CELF2: variants seen among roughly 807,000 people sequenced by gnomAD.
The protein encoded by CELF2 is CUG triplet repeat RNA-binding protein 2.
CELF2 carries 8 observed loss-of-function variants against 62.6 expected under a neutral mutation model. The ratio of observed to expected loss-of-function variants is 0.13; its 90% CI spans 0.07 to 0.23. The LOEUF (loss-of-function observed/expected upper bound fraction) is 0.23. CELF2 is among the 10% of genes least tolerant of loss of function. CELF2 has a pLI of 1.00. For missense variants in CELF2, 333 were observed against 671.0 expected (o/e 0.50, Z 5.56); for synonymous variants, 258 against 250.0 (o/e 1.03, Z -0.30).
chr10:11,003,818 A>G (rs1367549780), upstream of CELF2, among the ~76,000 whole-genome samples: 1 of 152,092 alleles, frequency 6.6e-6, no homozygotes, highest in East Asian at 1.9e-4. This position sits in a 1 kb window ranked among gnomAD's most constrained non-coding sequence, Gnocchi z 4.4. Flanking sequence ...TGTAACTTTC[A>G]TATGTTAGAA....
rs182141469 is a variant in CELF2 at position 10,807,511 on chromosome 10, A to C, written c.53+8694A>C. Among the ~76,000 whole-genome samples, 12 of 152,224 alleles carry C rather than the reference A, an allele frequency of 7.9e-5. No individual in the cohort carries two copies. In the East Asian group the frequency reaches 2.1e-3, roughly 27 times the overall value. On this transcript the variant is annotated intron_variant, in intron 1 of 13. Coordinates refer to the CELF2 transcript ENST00000636488. ...ATAAGGGAGACAGATTTTTTTTTGCACCTGTGCAAATAACTATTGTCATGC... is the reference window on the plus strand; with the variant it reads ...ATAAGGGAGACAGATTTTTTTTTGCCCCTGTGCAAATAACTATTGTCATGC...
chr10:10,468,496 C>T, the CELF2 span, among the ~76,000 whole-genome samples: 1 of 152,030 alleles, frequency 6.6e-6, no homozygotes, highest in Admixed American at 6.6e-5. Flanking sequence ...ATTGAAAGCA[C>T]TGCTGTTGAT....
chr10:11,063,873 C>T (rs1319291213), intron 1 of CELF2, among the ~76,000 whole-genome samples: 1 of 152,188 alleles, frequency 6.6e-6, no homozygotes, highest in East Asian at 1.9e-4. Flanking sequence ...TGACAATGAG[C>T]ATCTTTGGCT....
intron 12 of CELF2, 107 bp downstream of exon 12, chr10:11,326,086 T>G: frequency 2.7e-6 from 3 of 1,097,782 alleles, no homozygotes; most frequent in Admixed American, 2.5e-5. Flanking sequence ...TTCCCCACAT[T>G]GTGTTGGGCT....
intron 2 of CELF2, among the ~76,000 whole-genome samples, chr10:10,942,659 T>C (rs563464183): frequency 6.6e-6 from 1 of 152,330 alleles, no homozygotes; most frequent in East Asian, 1.9e-4. Flanking sequence ...GTTCAGCCCA[T>C]ATTCAAAGGA....
At chr10:11,190,024 A>T (rs1385196750) in intron 2 of CELF2, among the ~76,000 whole-genome samples, 1 of 152,190 alleles carries the variant, frequency 6.6e-6, no homozygotes, top group African/African-American at 2.4e-5. Flanking sequence ...CATTTCCTGC[A>T]CATTTTTAAC....
the CELF2 span, among the ~76,000 whole-genome samples, chr10:10,593,291 G>T: frequency 6.6e-6 from 1 of 152,220 alleles, no homozygotes; most frequent in Non-Finnish European, 1.5e-5. Context: ...GTCTGGGCCA[G>T]CTTGGCCAGA....
At chr10:11,146,459 A>G (rs1450026293) in intron 1 of CELF2, among the ~76,000 whole-genome samples, 1 of 152,238 alleles carries the variant, frequency 6.6e-6, no homozygotes, top group East Asian at 1.9e-4. Context: ...ATGAGGAAAT[A>G]TCTTTGTTAT....
the CELF2 span, among the ~76,000 whole-genome samples, chr10:10,513,245 A>T: frequency 6.6e-6 from 1 of 152,092 alleles, no homozygotes; most frequent in Non-Finnish European, 1.5e-5. Context: ...CATACTGAAG[A>T]AGTCGTATCA....
At chr10:11,323,600 G>A (rs941314541) in intron 11 of CELF2, among the ~76,000 whole-genome samples, 1 of 152,106 alleles carries the variant, frequency 6.6e-6, no homozygotes, top group Non-Finnish European at 1.5e-5. Context: ...GAGGAATGGG[G>A]ACGCTGGTGG....
the CELF2 span, among the ~76,000 whole-genome samples, chr10:10,659,879 T>A: frequency 6.6e-6 from 1 of 152,130 alleles, no homozygotes; most frequent in Non-Finnish European, 1.5e-5. Flanking sequence ...ATGGGGAGAT[T>A]TTCTGGGATT....
the CELF2 span, among the ~76,000 whole-genome samples, chr10:10,566,301 C>T: frequency 2.0e-5 from 3 of 150,904 alleles, no homozygotes; most frequent in Non-Finnish European, 2.9e-5. Flanking sequence ...CCACAGCAAA[C>T]ATGCAGGAAA....
intron 1 of CELF2, among the ~76,000 whole-genome samples, chr10:11,090,188 GAAA>G (rs111809755): frequency 2.3e-4 from 31 of 136,434 alleles, no homozygotes; most frequent in African/African-American, 7.7e-4. Context: ...GAAATTTGGG[GAAA>G]AAAAAAAAAA....
intron 1 of CELF2, among the ~76,000 whole-genome samples, chr10:11,122,465 T>A (rs184806875): frequency 2.0e-4 from 30 of 152,342 alleles, no homozygotes; most frequent in Admixed American, 1.2e-3. Flanking sequence ...GTAAAATCAG[T>A]TGATTCTTTG....
At chr10:10,568,469 T>C in the CELF2 span, among the ~76,000 whole-genome samples, 6 of 152,202 alleles carry the variant, frequency 3.9e-5, no homozygotes, top group Admixed American at 3.9e-4. Flanking sequence ...ATCTGCAGAC[T>C]TGAGTCCTTG....
At chr10:10,823,545 T>C (rs1410972479) in intron 1 of CELF2, among the ~76,000 whole-genome samples, 1 of 152,020 alleles carries the variant, frequency 6.6e-6, no homozygotes, top group Non-Finnish European at 1.5e-5. Flanking sequence ...CTGAGCTGTG[T>C]CTGTATGTGT....
the CELF2 span, among the ~76,000 whole-genome samples, chr10:10,542,839 G>A: frequency 6.6e-6 from 1 of 152,214 alleles, no homozygotes; most frequent in Non-Finnish European, 1.5e-5. Context: ...AGATGAGTCT[G>A]AGTTATGGAT....
chr10:10,837,537 A>G (rs2058382597), intron 1 of CELF2, among the ~76,000 whole-genome samples: 1 of 152,160 alleles, frequency 6.6e-6, no homozygotes, highest in African/African-American at 2.4e-5. Context: ...CATTTATGAG[A>G]TACTGCTTTT....
At position 11,246,874 on chromosome 10, in the gene CELF2, G is replaced by C. The variant is rs2075757902; in HGVS notation, c.355-2279G>C. ...CCTGAGCCCCATGATTACAACTTCTGTCTGTACCCCACAGTCACATCAACC... is the reference window on the plus strand; with the variant it reads ...CCTGAGCCCCATGATTACAACTTCTCTCTGTACCCCACAGTCACATCAACC... On this transcript the variant is annotated intron_variant, in intron 3 of 12. Transcript: ENST00000633077. This position sits in a 1 kb window ranked among gnomAD's most constrained non-coding sequence, Gnocchi z 4.6. 6.6e-6 allele frequency among the ~76,000 whole-genome samples: 1 copy of C among 152,170 alleles called. No homozygotes were observed. Among genetic ancestry groups the C allele is most frequent in the South Asian group, 2.1e-4 (1 of 4,826 alleles).
Sources: allele counts gnomAD v4.1 joint callset (sites outside exome capture counted in the v4.1 genomes callset), GRCh38; gene constraint gnomAD v4.1.1; non-coding constraint Gnocchi (gnomAD v3.1); transcripts MANE v1.5; gene names NCBI Gene and HGNC (gene_info 2026-07-23, HGNC 2026-07-21).